Variants in PRICKLE1 observed in about 807,000 individuals in gnomAD.
The protein encoded by PRICKLE1 is prickle-like protein 1.
A neutral mutation model predicts 70.2 loss-of-function variants in PRICKLE1; 14 were observed. That is an observed-to-expected ratio of 0.20 (90% CI 0.13 to 0.31). The LOEUF (loss-of-function observed/expected upper bound fraction) is 0.31. PRICKLE1 is among the 10% of genes least tolerant of loss of function. The pLI is 1.00. For missense variants in PRICKLE1, 821 were observed against 1,026.2 expected (o/e 0.80, Z 2.73); for synonymous variants, 357 against 379.9 (o/e 0.94, Z 0.70).
At position 42,459,419 on chromosome 12, in the gene PRICKLE1, G is replaced by C. The variant is rs768200105; in HGVS notation, c.*390C>G. On this transcript the variant is annotated 3_prime_UTR_variant, in exon 8 of 8. Transcript: ENST00000345127. ...AAGACGGACTATCAAGACCTGAGCC[G>C]ACCTGACTTACATAAATGACAAACA... 31 of 696,258 alleles carry C rather than the reference G, an allele frequency of 4.5e-5. No homozygotes were observed. Among genetic ancestry groups the C allele is most frequent in the Non-Finnish European group, 7.6e-5 (29 of 382,842 alleles). 43.1% of individuals were successfully genotyped at this position (696,258 alleles called of 1,614,324 possible). A position where few individuals can be genotyped will look rare whatever the true frequency, so the allele number is the denominator to read the frequency against.
At chr12:42,489,468 TG>T (rs1001749545) in intron 1 of PRICKLE1, among the ~76,000 whole-genome samples, 4 of 150,502 alleles carry the variant, frequency 2.7e-5, no homozygotes, top group African/African-American at 9.7e-5. Flanking sequence ...GAAACCAGCC[TG>T]GCCAACATGG....
At chr12:42,503,622 T>C (rs17455493) in intron 1 of PRICKLE1, among the ~76,000 whole-genome samples, 2,131 of 152,330 alleles carry the variant, frequency 0.014, 25 homozygotes, top group Admixed American at 0.022. Context: ...CAATACTTGT[T>C]CTAAGGAAAG....
chr12:42,460,193 G>A lies in PRICKLE1; in HGVS notation c.2112C>T (p.Tyr704=). The change falls in exon 8 of 8, where the codon TAC becomes TAT. Residue 704 remains tyrosine, a synonymous_variant. Coordinates refer to ENST00000345127, the MANE Select transcript of PRICKLE1 (RefSeq NM_153026.3). The stretch of plus-strand genomic sequence containing the variant: ...TAAATTTCTCATAGTTATCGGGGGT[G>A]TACAGCCGCAGTCTGTCCTTGGGAG... ...KYSPKDRLRL[Y]TPDNYEKFIQ... 1 of 1,614,118 alleles carries A rather than the reference G, an allele frequency of 6.2e-7. No individual in the cohort carries two copies. Among genetic ancestry groups the A allele is most frequent in the Non-Finnish European group, 8.5e-7 (1 of 1,180,030 alleles).
At position 42,578,928 on chromosome 12, in the gene PRICKLE1, A is replaced by T. The variant is rs540574117; in HGVS notation, c.-49+10537T>A. ...AGGCGTGCACAACCACGCCAGGCTAATTTTTTGTATTTTTAGTAGAAACGG... is the reference window on the plus strand; with the variant it reads ...AGGCGTGCACAACCACGCCAGGCTATTTTTTTGTATTTTTAGTAGAAACGG... On this transcript the variant is annotated intron_variant, in intron 1 of 7. Transcript: ENST00000345127. Among the ~76,000 whole-genome samples, 434 of 151,966 alleles carry T rather than the reference A, an allele frequency of 2.9e-3. 3 individuals are homozygous for T. Among genetic ancestry groups the T allele is most frequent in the Non-Finnish European group, 3.4e-3 (228 of 67,942 alleles).
At chr12:42,540,223 G>C (rs1354313568) in intron 1 of PRICKLE1, among the ~76,000 whole-genome samples, 1 of 152,214 alleles carries the variant, frequency 6.6e-6, no homozygotes, top group Non-Finnish European at 1.5e-5. Context: ...GAGGATAACT[G>C]ATAGAATGTT....
intron 1 of PRICKLE1, among the ~76,000 whole-genome samples, chr12:42,573,373 T>C (rs954399985): frequency 1.3e-5 from 2 of 152,190 alleles, no homozygotes; most frequent in South Asian, 2.1e-4. Flanking sequence ...CAAACTCCTA[T>C]TTATTCTTCT....
At chr12:42,559,561 C>T (rs1173824900) in intron 1 of PRICKLE1, among the ~76,000 whole-genome samples, 3 of 143,946 alleles carry the variant, frequency 2.1e-5, no homozygotes, top group Non-Finnish European at 3.0e-5. Context: ...TTAAAAAACA[C>T]AAATGTATAT....
In PRICKLE1 at chr12:42,457,107, G is replaced by A. The variant is rs536321516; in HGVS notation, c.*2702C>T. On this transcript the variant is annotated 3_prime_UTR_variant, in exon 8 of 8. Coordinates refer to ENST00000345127, the MANE Select transcript of PRICKLE1 (RefSeq NM_153026.3). ...CAGGAGAATTGCTTGAACCCGGGAG[G>A]CAGAGGTTGCAGTGAACTGAGATTG... 6 of 150,812 alleles carry A rather than the reference G, an allele frequency of 4.0e-5. No homozygotes were observed. Among genetic ancestry groups the A allele is most frequent in the African/African-American group, 1.5e-4 (6 of 40,920 alleles). The allele number at this position is 150,812 out of a possible 1,614,324, so 9.3% of individuals were successfully genotyped here.
In PRICKLE1 at chr12:42,460,008, G is replaced by A. The variant is rs1937743406; in HGVS notation, c.2297C>T (p.Ser766Phe). Reference sequence around the variant, plus strand: ...TTCTTCCGAGTCGGAAGAGGAGGAGGAGGAAGAACACCAGGAATCATCATC... The same window carrying A: ...TTCTTCCGAGTCGGAAGAGGAGGAGAAGGAAGAACACCAGGAATCATCATC... ...GEDDDSWCSS[S>F]SSSSDSEEEG... The change falls in exon 8 of 8, where the codon TCC becomes TTC. Residue 766 changes from serine to phenylalanine, a missense_variant. Ser to Phe is a radical substitution (Grantham distance 155). Transcript: ENST00000345127. The A allele has an allele frequency of 6.2e-7, 1 of 1,614,060 alleles. No individual in the cohort carries two copies. Among genetic ancestry groups the A allele is most frequent in the Non-Finnish European group, 8.5e-7 (1 of 1,180,014 alleles).
chr12:42,582,015 C>A (rs1450410532), intron 1 of PRICKLE1, among the ~76,000 whole-genome samples: 1 of 151,968 alleles, frequency 6.6e-6, no homozygotes, highest in African/African-American at 2.4e-5. Context: ...GATTTATTCC[C>A]AAAATTCAGA....
chr12:42,560,256 G>A (rs925460277), intron 1 of PRICKLE1, among the ~76,000 whole-genome samples: 4 of 151,796 alleles, frequency 2.6e-5, no homozygotes, highest in Non-Finnish European at 4.4e-5. Flanking sequence ...TCCTGTCTCA[G>A]CCTCCTGAGT....
At chr12:42,469,392 C>A in intron 4 of PRICKLE1, 58 bp downstream of exon 4, 1 of 1,608,708 alleles carries the variant, frequency 6.2e-7, no homozygotes, top group African/African-American at 1.3e-5. Context: ...CTACCCCCGA[C>A]TGTCCACCCC....
chr12:42,480,886 A>G (rs930961385), intron 1 of PRICKLE1, among the ~76,000 whole-genome samples: 1 of 152,222 alleles, frequency 6.6e-6, no homozygotes, highest in Non-Finnish European at 1.5e-5. Flanking sequence ...TGCAAAAGAC[A>G]TGAATGGAGA....
At chr12:42,477,341 T>C (rs1449668201) in intron 1 of PRICKLE1, among the ~76,000 whole-genome samples, 4 of 151,430 alleles carry the variant, frequency 2.6e-5, no homozygotes, top group African/African-American at 7.3e-5. Context: ...CATTGCACTC[T>C]AGCCTGGGCA....
chr12:42,543,684 A>G (rs1054894989), intron 1 of PRICKLE1, among the ~76,000 whole-genome samples: 2 of 151,968 alleles, frequency 1.3e-5, no homozygotes, highest in Non-Finnish European at 2.9e-5. Flanking sequence ...CCCCATGCCC[A>G]GCTAATTTTT....
At chr12:42,569,767 A>G (rs1037338460) in intron 1 of PRICKLE1, among the ~76,000 whole-genome samples, 1 of 152,236 alleles carries the variant, frequency 6.6e-6, no homozygotes, top group Non-Finnish European at 1.5e-5. Flanking sequence ...TCTCTGGAAC[A>G]GATGCATCAA....
Position 42,484,723 on chromosome 12 carries a change from A to C in PRICKLE1, c.-48-12159T>G, listed in dbSNP as rs558389553. On this transcript the variant is annotated intron_variant, in intron 1 of 7. Coordinates refer to ENST00000345127, the MANE Select transcript of PRICKLE1 (RefSeq NM_153026.3). ...CATACTGAAGCTAATCTTGTTTCTG[A>C]GCTATTTGTAGGTACACTGAGAGAA... Among the ~76,000 whole-genome samples, 20 of 152,272 alleles carry C rather than the reference A, an allele frequency of 1.3e-4. No individual in the cohort carries two copies. The South Asian group carries it at 4.1e-3, about 32-fold the overall frequency.
chr12:42,559,841 T>C (rs1357901510), intron 1 of PRICKLE1, among the ~76,000 whole-genome samples: 2 of 151,764 alleles, frequency 1.3e-5, no homozygotes, highest in African/African-American at 4.8e-5. Context: ...TGATTAAACA[T>C]GTCTTTATCA....
chr12:42,467,353 G>C (rs1252969977), intron 5 of PRICKLE1, among the ~76,000 whole-genome samples: 1 of 152,172 alleles, frequency 6.6e-6, no homozygotes, highest in Non-Finnish European at 1.5e-5. Flanking sequence ...TTGACCTCGT[G>C]ATCTGCCCAT....
Sources: allele counts gnomAD v4.1 joint callset (sites outside exome capture counted in the v4.1 genomes callset), GRCh38; gene constraint gnomAD v4.1.1; transcripts MANE v1.5; gene names NCBI Gene and HGNC (gene_info 2026-07-23, HGNC 2026-07-21).